MTMR9: variants seen among roughly 807,000 people sequenced by gnomAD.
The protein encoded by MTMR9 is myotubularin related protein 9.
MTMR9 carries 39 observed loss-of-function variants against 69.5 expected under a neutral mutation model. That is an observed-to-expected ratio of 0.56 (90% CI 0.43 to 0.73). The LOEUF (loss-of-function observed/expected upper bound fraction) is 0.73. Ranked by LOEUF, MTMR9 falls within the 30% of genes least tolerant of loss-of-function variation. The pLI, the probability that MTMR9 is intolerant of heterozygous loss-of-function variation, is 0.00. For missense variants in MTMR9, 900 were observed against 671.2 expected, an observed-to-expected ratio of 1.34 and a Z score of -3.77; for synonymous variants, 354 against 240.8, an observed-to-expected ratio of 1.47 and a Z score of -4.35.
intron 8 of MTMR9, chr8:11,319,254 T>G: frequency 6.5e-6 from 1 of 153,268 alleles, no homozygotes. Flanking sequence ...AAATAGGACA[T>G]AAATGTCAAA....
intron 7 of MTMR9, 37 bp downstream of exon 7, chr8:11,315,101 A>G (rs768660816): frequency 6.3e-7 from 1 of 1,598,898 alleles, no homozygotes; most frequent in Non-Finnish European, 8.6e-7. Flanking sequence ...GGAACTGCTT[A>G]TTGATGCTGT....
At chr8:11,294,794 G>A (rs1052334023) in intron 1 of MTMR9, 2 of 153,326 alleles carry the variant, frequency 1.3e-5, no homozygotes, top group African/African-American at 4.8e-5. Flanking sequence ...CGGCCCTTTT[G>A]CTTTTTATAA....
downstream of MTMR9, among the ~76,000 whole-genome samples, chr8:11,329,763 G>T (rs566923659): frequency 2.0e-5 from 3 of 152,082 alleles, no homozygotes; most frequent in African/African-American, 7.2e-5. Flanking sequence ...GAGCGTCTCC[G>T]CCTGGCCACC....
At chr8:11,317,067 A>T (rs578144666) in intron 8 of MTMR9, 174 bp downstream of exon 8, 19 of 460,560 alleles carry the variant, frequency 4.1e-5, no homozygotes, top group African/African-American at 3.8e-4. Flanking sequence ...CTTTTATGAG[A>T]GCATGTCCTA....
At chr8:11,300,912 A>G (rs1024407771) in intron 3 of MTMR9, 17 of 152,218 alleles carry the variant, frequency 1.1e-4, no homozygotes, top group African/African-American at 4.1e-4. Flanking sequence ...GTGAAAGACC[A>G]TTAGATAGTA....
In MTMR9 at chr8:11,309,897, A is replaced by G. The variant is rs190835537; in HGVS notation, c.971+209A>G. On this transcript the variant is annotated intron_variant, in intron 6 of 9. Transcript: ENST00000221086. The stretch of plus-strand genomic sequence containing the variant: ...TTTCATAAATATGAACCAGGTAAAT[A>G]TACATGTCTTCTATGACACAAATTT... 3.2e-3 allele frequency among the ~76,000 whole-genome samples: 482 copies of G among 152,300 alleles called. 1 individual carries two copies. The highest frequency in any genetic ancestry group is 5.9e-3 in the Non-Finnish European group (401 of 68,028).
the MTMR9 span, among the ~76,000 whole-genome samples, chr8:11,333,501 C>A: frequency 6.6e-6 from 1 of 152,056 alleles, no homozygotes; most frequent in African/African-American, 2.4e-5. Context: ...ACAAGAAATG[C>A]TAAAGGGGGT....
At chr8:11,298,697 A>G (rs1563270196) in intron 2 of MTMR9, 11 of 888,168 alleles carry the variant, frequency 1.2e-5, no homozygotes, top group Non-Finnish European at 1.5e-5. Flanking sequence ...ATGCTAATTG[A>G]TATGGTATCC....
chr8:11,304,907 G>A lies in MTMR9; in HGVS notation c.484G>A (p.Val162Ile). Residue 162 changes from valine (V) to isoleucine (I), a missense_variant, in exon 4 of 10, where the codon GTC (valine) becomes ATC (isoleucine). Coordinates refer to ENST00000221086, the MANE Select transcript of MTMR9 (RefSeq NM_015458.4). ...FAVCPSYPPI[V>I]TVPKSIDDEA... is the part of the protein sequence containing the mutation. ...TGTCTGTCCCTCTTACCCACCAATT[G>A]TCACAGTGCCCAAATCCATCGATGA... 3 of 1,614,088 alleles carry A rather than the reference G, an allele frequency of 1.9e-6. No individual in the cohort carries two copies. The highest frequency in any genetic ancestry group is 2.5e-6 in the Non-Finnish European group (3 of 1,179,960).
chr8:11,334,733 A>T, the MTMR9 span, among the ~76,000 whole-genome samples: 1 of 152,202 alleles, frequency 6.6e-6, no homozygotes, highest in East Asian at 1.9e-4. Flanking sequence ...AAAAAGAATG[A>T]TGTCCCATGT....
intron 8 of MTMR9, 29 bp downstream of exon 8, chr8:11,316,922 T>C (rs1016093898): frequency 6.8e-7 from 1 of 1,461,414 alleles, no homozygotes; most frequent in Non-Finnish European, 9.2e-7. Context: ...TGGGGACCTT[T>C]CCTTTTCCGT....
chr8:11,291,946 G>A (rs979046275), intron 1 of MTMR9, among the ~76,000 whole-genome samples: 2 of 152,080 alleles, frequency 1.3e-5, no homozygotes, highest in African/African-American at 4.8e-5. Flanking sequence ...AAACTTTGAT[G>A]TGTGTTGATA....
rs1371968832 is a variant in MTMR9, at chr8:11,326,279, G to A, written c.*3491G>A. On this transcript the variant is annotated 3_prime_UTR_variant, in exon 10 of 10. Coordinates refer to ENST00000221086, the MANE Select transcript of MTMR9 (RefSeq NM_015458.4). ...CACTTATTATCCGACCTTAATCTGG[G>A]ATAAAGGTTTTGGTATTTGCCCACT... 1.3e-5 allele frequency: 2 copies of A among 152,154 alleles called. No homozygotes were observed. The allele number at this position is 152,154 out of a possible 1,614,324, so 9.4% of individuals were successfully genotyped here. A position where few individuals can be genotyped will look rare whatever the true frequency, so the allele number is the denominator to read the frequency against.
Position 11,304,385 on chromosome 8 carries a change from T to C in MTMR9, c.418-456T>C, listed in dbSNP as rs763132558. Among the ~76,000 whole-genome samples the C allele has an allele frequency of 1.8e-4, 28 of 152,206 alleles. No individual in the cohort carries two copies. In the South Asian group the frequency reaches 2.9e-3, roughly 16 times the overall value. On this transcript the variant is annotated intron_variant, in intron 3 of 9. Coordinates refer to ENST00000221086, the MANE Select transcript of MTMR9 (RefSeq NM_015458.4). ...TGCTTTAAGAGGATCATTAACAAAC[T>C]AAATGGGACCCAGAAAAGGAAGAAG...
intron 4 of MTMR9, among the ~76,000 whole-genome samples, chr8:11,305,913 A>G (rs1799922044): frequency 1.3e-5 from 2 of 152,330 alleles, no homozygotes; most frequent in South Asian, 4.1e-4. Flanking sequence ...TGATTCACAC[A>G]CTAAATGAAT....
intron 1 of MTMR9, among the ~76,000 whole-genome samples, chr8:11,291,994 A>T (rs917509994): frequency 6.6e-6 from 1 of 152,152 alleles, no homozygotes; most frequent in Non-Finnish European, 1.5e-5. Flanking sequence ...TAAGTTCAAG[A>T]TAATGAATTT....
downstream of MTMR9, among the ~76,000 whole-genome samples, chr8:11,329,659 C>A (rs1274407058): frequency 6.6e-6 from 1 of 152,196 alleles, no homozygotes; most frequent in Non-Finnish European, 1.5e-5. Flanking sequence ...GATCTCGGCT[C>A]GCTACAACCT....
chr8:11,334,256 T>A, the MTMR9 span, among the ~76,000 whole-genome samples: 2 of 152,186 alleles, frequency 1.3e-5, no homozygotes, highest in Admixed American at 1.3e-4. Context: ...AAAAAAACAG[T>A]ATTAATGTAA....
At chr8:11,330,349 C>T (rs1269470309), downstream of MTMR9, among the ~76,000 whole-genome samples, 1 of 152,140 alleles carries the variant, frequency 6.6e-6, no homozygotes, top group African/African-American at 2.4e-5. Flanking sequence ...TGGGGGGCGC[C>T]TCTGCCCGGC....
Sources: gnomAD v4.1 joint callset for allele counts (sites outside exome capture counted in the v4.1 genomes callset) on GRCh38, gnomAD v4.1.1 for gene constraint, MANE v1.5 for transcripts, NCBI Gene and HGNC (gene_info 2026-07-23, HGNC 2026-07-21) for gene names.